DTNB: variants seen among roughly 807,000 people sequenced by gnomAD.
The protein encoded by DTNB is DTN-B.
DTNB carries 63 observed loss-of-function variants against 90.7 expected under a neutral mutation model. The ratio of observed to expected loss-of-function variants is 0.69; its 90% CI spans 0.57 to 0.86. The LOEUF (loss-of-function observed/expected upper bound fraction) is 0.86. DTNB is among the 40% of genes least tolerant of loss of function. The pLI is 0.00. For missense variants in DTNB, 744 were observed against 807.1 expected (o/e 0.92, Z 0.95); for synonymous variants, 277 against 286.7 (o/e 0.97, Z 0.34).
At chr2:25,383,228 T>G (rs1472840943) in intron 19 of DTNB, among the ~76,000 whole-genome samples, 2 of 151,268 alleles carry the variant, frequency 1.3e-5, no homozygotes, top group Non-Finnish European at 3.0e-5. Context: ...TTTTTTTTTT[T>G]TTTGGAGATG....
At chr2:25,446,770 G>A (rs989072307) in intron 12 of DTNB, among the ~76,000 whole-genome samples, 1 of 152,134 alleles carries the variant, frequency 6.6e-6, no homozygotes. Flanking sequence ...ATTCATCTGA[G>A]AATGAATGTC....
At chr2:25,637,006 T>G (rs2077258522) in intron 3 of DTNB, among the ~76,000 whole-genome samples, 2 of 152,078 alleles carry the variant, frequency 1.3e-5, no homozygotes, top group Admixed American at 1.3e-4. Context: ...TATTTGTTTA[T>G]AATAAATGGC....
intron 9 of DTNB, among the ~76,000 whole-genome samples, chr2:25,485,489 T>C (rs1284727566): frequency 1.3e-5 from 2 of 152,232 alleles, no homozygotes; most frequent in Non-Finnish European, 2.9e-5. Context: ...TCTCTTGGTA[T>C]ATATCATGTT....
chr2:25,448,407 G>A (rs2058740591), intron 12 of DTNB, among the ~76,000 whole-genome samples: 1 of 152,106 alleles, frequency 6.6e-6, no homozygotes, highest in South Asian at 2.1e-4. Context: ...AATTGAAAAA[G>A]GAGAAGGAAA....
chr2:25,491,987 G>A (rs1456113880), intron 9 of DTNB, among the ~76,000 whole-genome samples: 1 of 151,978 alleles, frequency 6.6e-6, no homozygotes, highest in African/African-American at 2.4e-5. Flanking sequence ...TTTGAACCGA[G>A]GCAGTGTGGC....
chr2:25,467,287 TTTTC>T (rs898851892), intron 10 of DTNB, among the ~76,000 whole-genome samples: 17 of 140,728 alleles, frequency 1.2e-4, no homozygotes, highest in African/African-American at 3.3e-4. Flanking sequence ...GTAATCTTTG[TTTTC>T]TTTCTTTCTT....
intron 12 of DTNB, among the ~76,000 whole-genome samples, chr2:25,443,584 T>C (rs2057912373): frequency 6.6e-6 from 1 of 152,212 alleles, no homozygotes; most frequent in Admixed American, 6.5e-5. Flanking sequence ...TCAGCTAGGC[T>C]TTCTTTATAT....
chr2:25,643,628 A>G (rs556785841), intron 2 of DTNB, among the ~76,000 whole-genome samples: 1 of 152,300 alleles, frequency 6.6e-6, no homozygotes, highest in Admixed American at 6.5e-5. Context: ...AGGGGAAGCC[A>G]CCTCCTTTTA....
chr2:25,439,342 A>C (rs1244690232), intron 12 of DTNB, among the ~76,000 whole-genome samples: 1 of 152,082 alleles, frequency 6.6e-6, no homozygotes, highest in Non-Finnish European at 1.5e-5. Flanking sequence ...TCTACAAAAA[A>C]TACAAAAAAA....
chr2:25,418,576 G>C (rs1410071589), intron 16 of DTNB, among the ~76,000 whole-genome samples: 10 of 151,890 alleles, frequency 6.6e-5, no homozygotes, highest in African/African-American at 2.2e-4. Context: ...GTGCGTGACT[G>C]TAGTCCCAGC....
At chr2:25,462,038 T>C (rs1314154754) in intron 10 of DTNB, among the ~76,000 whole-genome samples, 3 of 152,124 alleles carry the variant, frequency 2.0e-5, no homozygotes, top group Admixed American at 2.0e-4. Flanking sequence ...ATGGGACTGG[T>C]AGAGTCTAAA....
intron 10 of DTNB, among the ~76,000 whole-genome samples, chr2:25,468,950 T>G (rs995904935): frequency 3.9e-5 from 6 of 152,188 alleles, no homozygotes; most frequent in African/African-American, 1.4e-4. Flanking sequence ...AGTGGCCAAA[T>G]AGTAAATATT....
At chr2:25,470,364 C>T (rs368439041) in intron 10 of DTNB, among the ~76,000 whole-genome samples, 14 of 150,204 alleles carry the variant, frequency 9.3e-5, no homozygotes, top group Admixed American at 1.3e-4. Flanking sequence ...GATTCTTACA[C>T]GACAATTTTT....
chr2:25,579,434 G>T (rs998787853), intron 7 of DTNB, among the ~76,000 whole-genome samples: 1 of 152,138 alleles, frequency 6.6e-6, no homozygotes, highest in Non-Finnish European at 1.5e-5. Flanking sequence ...TCTTCCGGGG[G>T]GATAAAAGTG....
chr2:25,667,778 G>C (rs903296161), intron 1 of DTNB, among the ~76,000 whole-genome samples: 2 of 152,138 alleles, frequency 1.3e-5, no homozygotes, highest in African/African-American at 4.8e-5. Context: ...ATTTTCCCAA[G>C]TGAGTTACAA....
intron 10 of DTNB, among the ~76,000 whole-genome samples, chr2:25,461,919 A>G (rs994562998): frequency 6.6e-6 from 1 of 152,232 alleles, no homozygotes; most frequent in African/African-American, 2.4e-5. Context: ...ATGAGGAGTG[A>G]CAATAAGATG....
In DTNB at chr2:25,482,335, A is replaced by G. The variant is rs188633993; in HGVS notation, c.1079+461T>C. 2.6e-5 allele frequency among the ~76,000 whole-genome samples: 4 copies of G among 152,332 alleles called. No individual in the cohort carries two copies. The East Asian group carries it at 7.7e-4, about 29-fold the overall frequency. The stretch of plus-strand genomic sequence containing the variant: ...GAGAGACTCAGGCTTTCCAACTTAA[A>G]TGTTTATAAATCATACACAGAATGA... On this transcript the variant is annotated intron_variant, in intron 10 of 20. Transcript: ENST00000406818.
rs954436700 is a variant in DTNB, at chr2:25,661,784, T to C, written c.-1-9123A>G. Among the ~76,000 whole-genome samples, 4 of 152,206 alleles carry C rather than the reference T, an allele frequency of 2.6e-5. No homozygotes were observed. In the East Asian group the frequency reaches 5.8e-4, roughly 22 times the overall value. ...AAAATACCATTTATATTGGCAAAAA[T>C]ATGAGGTGACATGAATTCTCATATA... On this transcript the variant is annotated intron_variant, in intron 1 of 20. Coordinates refer to ENST00000406818, the MANE Select transcript of DTNB (RefSeq NM_021907.5).
intron 18 of DTNB, among the ~76,000 whole-genome samples, chr2:25,384,097 C>T (rs926038344): frequency 1.3e-5 from 2 of 152,240 alleles, no homozygotes; most frequent in Admixed American, 6.5e-5. Flanking sequence ...AGACCACAGC[C>T]CAAAGGGAGC....
Sources: allele counts gnomAD v4.1 joint callset (sites outside exome capture counted in the v4.1 genomes callset), GRCh38; gene constraint gnomAD v4.1.1; transcripts MANE v1.5; gene names NCBI Gene and HGNC (gene_info 2026-07-23, HGNC 2026-07-21).